The following HS6ST3 variants were observed in gnomAD, a reference collection of about 807,000 sequenced individuals.
The protein encoded by HS6ST3 is heparan sulfate 6-O-sulfotransferase 3, also known as heparan-sulfate 6-O-sulfotransferase 3.
Under a neutral mutation model 36.7 loss-of-function variants are expected in HS6ST3, and 12 were observed. The observed-to-expected ratio is 0.33, with a 90% CI of 0.21 to 0.53. The LOEUF is 0.53. Ranked by LOEUF, HS6ST3 falls within the 20% of genes least tolerant of loss-of-function variation. The pLI is 0.95. For missense variants in HS6ST3, 584 were observed against 640.9 expected (o/e 0.91, Z 0.96); for synonymous variants, 240 against 257.5 (o/e 0.93, Z 0.65).
intron 1 of HS6ST3, among the ~76,000 whole-genome samples, chr13:96,228,691 A>G (rs560692568): frequency 2.0e-5 from 3 of 152,288 alleles, no homozygotes; most frequent in Admixed American, 2.0e-4. Flanking sequence ...GCCACCCCTT[A>G]TTTTAATGCA....
intron 1 of HS6ST3, among the ~76,000 whole-genome samples, chr13:96,642,267 G>T (rs1383163576): frequency 1.3e-5 from 2 of 151,698 alleles, no homozygotes; most frequent in Admixed American, 6.6e-5. Flanking sequence ...AATGACCCTT[G>T]TATATAATGA....
chr13:96,557,252 G>A (rs552269156), intron 1 of HS6ST3, among the ~76,000 whole-genome samples: 1 of 152,234 alleles, frequency 6.6e-6, no homozygotes, highest in African/African-American at 2.4e-5. Context: ...ACTAACAAAG[G>A]TTAAATGTCT....
At chr13:96,670,748 T>C (rs1026201705) in intron 1 of HS6ST3, among the ~76,000 whole-genome samples, 13 of 152,164 alleles carry the variant, frequency 8.5e-5, no homozygotes, top group Non-Finnish European at 1.2e-4. Flanking sequence ...TGAAATATTT[T>C]CTTATACTTT....
chr13:96,104,882 T>G (rs537399870), intron 1 of HS6ST3, among the ~76,000 whole-genome samples: 1 of 152,116 alleles, frequency 6.6e-6, no homozygotes, highest in South Asian at 2.1e-4. Context: ...CCAGGGAGCA[T>G]AAAATCCTTC....
intron 1 of HS6ST3, among the ~76,000 whole-genome samples, chr13:96,742,759 A>G (rs1876474376): frequency 1.3e-5 from 2 of 152,066 alleles, no homozygotes; most frequent in African/African-American, 4.8e-5. Context: ...AGGGATATTA[A>G]TTTCATTTTT....
At chr13:96,754,070 C>T (rs552331924) in intron 1 of HS6ST3, among the ~76,000 whole-genome samples, 165 of 152,218 alleles carry the variant, frequency 1.1e-3, no homozygotes, top group African/African-American at 3.9e-3. Context: ...CCACCTGCTT[C>T]GGCCTCCCAA....
At chr13:96,432,300 T>G (rs1285482730) in intron 1 of HS6ST3, among the ~76,000 whole-genome samples, 1 of 152,208 alleles carries the variant, frequency 6.6e-6, no homozygotes, top group African/African-American at 2.4e-5. Context: ...ACTATACATT[T>G]TACATTGCTT....
At chr13:96,231,878 GACC>G (rs1332542898) in intron 1 of HS6ST3, among the ~76,000 whole-genome samples, 1 of 152,132 alleles carries the variant, frequency 6.6e-6, no homozygotes, top group Non-Finnish European at 1.5e-5. Flanking sequence ...TCTCTGTACT[GACC>G]AGTCATAAAG....
At chr13:96,165,502 TG>T (rs1334251359) in intron 1 of HS6ST3, among the ~76,000 whole-genome samples, 1 of 152,226 alleles carries the variant, frequency 6.6e-6, no homozygotes, top group Non-Finnish European at 1.5e-5. Context: ...TTAAGACTGC[TG>T]GTTATGTTGT....
At chr13:96,652,622 T>C (rs989936870) in intron 1 of HS6ST3, among the ~76,000 whole-genome samples, 2 of 152,156 alleles carry the variant, frequency 1.3e-5, no homozygotes, top group Non-Finnish European at 2.9e-5. Context: ...CTCATCTGTT[T>C]GTTCTTGATT....
In HS6ST3 at chr13:96,400,291, A is replaced by G. The variant is rs2055443937; in HGVS notation, c.707+308722A>G. 2.1e-5 allele frequency among the ~76,000 whole-genome samples: 3 copies of G among 143,748 alleles called. No individual in the cohort carries two copies. In the South Asian group the frequency reaches 6.9e-4, roughly 33 times the overall value. The allele number at this position is 143,748 out of a possible 152,430, so 94.3% of individuals were successfully genotyped here. A position where few individuals can be genotyped will look rare whatever the true frequency, so the allele number is the denominator to read the frequency against. ...GACATACACAGACACACATATAGAC[A>G]CACACAGACACACAGATACACACAC... On this transcript the variant is annotated intron_variant, in intron 1 of 1. Coordinates refer to ENST00000376705, the MANE Select transcript of HS6ST3 (RefSeq NM_153456.4).
intron 1 of HS6ST3, among the ~76,000 whole-genome samples, chr13:96,510,893 C>T (rs2056047169): frequency 6.6e-6 from 1 of 151,978 alleles, no homozygotes; most frequent in South Asian, 2.1e-4. Flanking sequence ...GTGCTAAAGG[C>T]CTCATTGAAT....
At chr13:96,476,604 G>A (rs2055865501) in intron 1 of HS6ST3, among the ~76,000 whole-genome samples, 2 of 152,116 alleles carry the variant, frequency 1.3e-5, no homozygotes, top group Admixed American at 1.3e-4. Flanking sequence ...CTCGTGATTG[G>A]CCAGCCTCGG....
At chr13:96,700,403 A>C (rs1230939002) in intron 1 of HS6ST3, among the ~76,000 whole-genome samples, 3 of 152,136 alleles carry the variant, frequency 2.0e-5, no homozygotes, top group Non-Finnish European at 4.4e-5. Context: ...AACACATAGG[A>C]ATTATGGGAG....
intron 1 of HS6ST3, among the ~76,000 whole-genome samples, chr13:96,634,819 T>C (rs1335020044): frequency 6.6e-6 from 1 of 152,144 alleles, no homozygotes; most frequent in Non-Finnish European, 1.5e-5. Flanking sequence ...GCTTCTCTCT[T>C]TCAATGAGTT....
chr13:96,615,666 A>G (rs1381133130), intron 1 of HS6ST3, among the ~76,000 whole-genome samples: 1 of 152,254 alleles, frequency 6.6e-6, no homozygotes, highest in East Asian at 1.9e-4. Context: ...TAAATGAAGC[A>G]GAATAAACAC....
At chr13:96,387,465 A>G (rs1286850938) in intron 1 of HS6ST3, among the ~76,000 whole-genome samples, 2 of 152,278 alleles carry the variant, frequency 1.3e-5, no homozygotes, top group African/African-American at 4.8e-5. Context: ...TTGTGGAGCT[A>G]TTTGTCATTT....
intron 1 of HS6ST3, among the ~76,000 whole-genome samples, chr13:96,752,347 C>T (rs1028765382): frequency 3.3e-5 from 5 of 152,022 alleles, no homozygotes; most frequent in Admixed American, 6.6e-5. Flanking sequence ...TGCACATTCT[C>T]GGGGTGTGCA....
intron 1 of HS6ST3, among the ~76,000 whole-genome samples, chr13:96,435,733 T>C (rs372098598): frequency 1.3e-5 from 2 of 152,208 alleles, no homozygotes; most frequent in Non-Finnish European, 2.9e-5. Flanking sequence ...CAAACTCTAG[T>C]GTGATCTTTA....
Sources: gnomAD v4.1 joint callset for allele counts (sites outside exome capture counted in the v4.1 genomes callset) on GRCh38, gnomAD v4.1.1 for gene constraint, MANE v1.5 for transcripts, NCBI Gene and HGNC (gene_info 2026-07-23, HGNC 2026-07-21) for gene names.